XIAP: variants seen among roughly 807,000 people sequenced by gnomAD.
XIAP encodes the protein X-linked inhibitor of apoptosis.
XIAP carries 3 observed loss-of-function variants against 33.1 expected under a neutral mutation model. That is an observed-to-expected ratio of 0.09 (90% CI 0.04 to 0.23). The LOEUF is 0.23. Among genes scored for constraint, XIAP ranks in the 10% least tolerant of loss-of-function variants. The pLI is 1.00. For missense variants in XIAP, 264 were observed against 363.0 expected (o/e 0.73, Z 2.22); for synonymous variants, 98 against 121.3 (o/e 0.81, Z 1.26).
At chrX:123,877,268 T>C (rs2053254661) in intron 1 of XIAP, among the ~76,000 whole-genome samples, 1 of 111,377 alleles carries the variant, frequency 9.0e-6, no homozygotes, top group African/African-American at 3.3e-5. Flanking sequence ...GTTTTCGCCA[T>C]GTTGGCCAGG....
rs2053101631 is a variant in XIAP at position 123,863,627 on chromosome X, G to C, written c.-33+3334G>C. Among the ~76,000 whole-genome samples, 4 of 110,256 alleles carry C rather than the reference G, an allele frequency of 3.6e-5. No homozygotes were observed. In the South Asian group the frequency reaches 1.2e-3, roughly 33 times the overall value. On this transcript the variant is annotated intron_variant, in intron 1 of 6. Coordinates refer to ENST00000371199, the MANE Select transcript of XIAP (RefSeq NM_001167.4). ...CAGGTTCAAGCAGTTTCCTGCCTCA[G>C]CCTCCCGAGTAGCTGGGATTACAGG...
rs779231517 is a variant in XIAP at position 123,910,413 on chromosome X, A to G, written c.*3232A>G. On this transcript the variant is annotated 3_prime_UTR_variant, in exon 7 of 7. Transcript: ENST00000371199. ...GTGGATAAAATTTGTATTTTGAACTATGAATGGAGACTACCGCCCCAGCAT... is the reference window on the plus strand; with the variant it reads ...GTGGATAAAATTTGTATTTTGAACTGTGAATGGAGACTACCGCCCCAGCAT... 1.8e-5 allele frequency: 6 copies of G among 327,901 alleles called. No individual in the cohort carries two copies. The highest frequency in any genetic ancestry group is 1.6e-4 in the African/African-American group (6 of 37,646). The allele number at this position is 327,901 out of a possible 1,213,427, so 27.0% of individuals were successfully genotyped here. A position where few individuals can be genotyped will look rare whatever the true frequency, so the allele number is the denominator to read the frequency against.
intron 3 of XIAP, among the ~76,000 whole-genome samples, chrX:123,890,663 C>T (rs1309346133): frequency 2.0e-5 from 2 of 98,961 alleles, no homozygotes; most frequent in Admixed American, 1.1e-4. Flanking sequence ...AAAAACTAGC[C>T]GGGCATGGTG....
At chrX:123,883,619 C>T (rs1424461645) in intron 1 of XIAP, among the ~76,000 whole-genome samples, 2 of 108,408 alleles carry the variant, frequency 1.8e-5, no homozygotes, top group African/African-American at 3.4e-5. Flanking sequence ...GCCTCAGTCT[C>T]CCAAGTAGCT....
At chrX:123,862,747 T>C (rs35241092) in intron 1 of XIAP, among the ~76,000 whole-genome samples, 40,872 of 106,452 alleles carry the variant, frequency 0.38, 6,137 homozygotes, top group African/African-American at 0.48. Flanking sequence ...ACCAGCTACA[T>C]GGGAGGCTGA....
Position 123,860,110 on chromosome X carries a change from G to A in XIAP, c.-216G>A. 1 of 329,743 alleles carries A rather than the reference G, an allele frequency of 3.0e-6. No individual in the cohort carries two copies. The highest frequency in any genetic ancestry group is 5.9e-6 in the Non-Finnish European group (1 of 170,002). The allele number at this position is 329,743 out of a possible 1,213,427, so 27.2% of individuals were successfully genotyped here. Reference sequence around the variant, plus strand: ...CGACTCCGGGTTTCTCCAGGGGATGGGCCGGCCGGTAGAGGCGCGTGAGGG... The same window carrying A: ...CGACTCCGGGTTTCTCCAGGGGATGAGCCGGCCGGTAGAGGCGCGTGAGGG... On this transcript the variant is annotated 5_prime_UTR_variant, in exon 1 of 7. Transcript: ENST00000371199.
chrX:123,894,123 TCA>T (rs966945287), intron 5 of XIAP, among the ~76,000 whole-genome samples: 2 of 112,517 alleles, frequency 1.8e-5, no homozygotes, highest in Non-Finnish European at 3.7e-5. Flanking sequence ...CCCAGCTTCT[TCA>T]CAGAGGTGTA....
At chrX:123,899,144 A>AAAAATATATAT (rs1186271285) in intron 5 of XIAP, among the ~76,000 whole-genome samples, 2 of 50,165 alleles carry the variant, frequency 4.0e-5, no homozygotes, top group African/African-American at 1.7e-4. Context: ...AAAAAAAAAA[A>AAAAATATATAT]ATATATATAT....
intron 1 of XIAP, among the ~76,000 whole-genome samples, chrX:123,885,053 C>CA (rs3042397): frequency 9.1e-6 from 1 of 110,142 alleles, no homozygotes; most frequent in South Asian, 3.7e-4. Context: ...CCAGTTACAA[C>CA]AAAAAAAGGG....
chrX:123,872,247 A>G (rs1163162678), intron 1 of XIAP, among the ~76,000 whole-genome samples: 3 of 111,398 alleles, frequency 2.7e-5, no homozygotes, highest in Non-Finnish European at 5.6e-5. Flanking sequence ...AAATTTTTAC[A>G]AGGCAGTGGA....
In XIAP at chrX:123,911,584, A is replaced by C; in HGVS notation, c.*4403A>C. On this transcript the variant is annotated 3_prime_UTR_variant, in exon 7 of 7. Transcript: ENST00000371199. ...TCGCAGCTACTCTGGAGGCAGAGGC[A>C]GGAGGATCACTTGAGCCCATGAATT... The C allele has an allele frequency of 3.2e-6, 1 of 316,379 alleles. No homozygotes were observed. The allele number at this position is 316,379 out of a possible 1,213,427, so 26.1% of individuals were successfully genotyped here.
intron 4 of XIAP, among the ~76,000 whole-genome samples, chrX:123,892,016 C>T (rs2053412893): frequency 9.0e-6 from 1 of 110,930 alleles, no homozygotes; most frequent in African/African-American, 3.3e-5. Context: ...GCTTTGTACT[C>T]ATAAGTAGTT....
At chrX:123,872,432 A>G (rs1184116465) in intron 1 of XIAP, among the ~76,000 whole-genome samples, 2 of 109,664 alleles carry the variant, frequency 1.8e-5, no homozygotes, top group East Asian at 5.7e-4. Context: ...TCACGCCTGT[A>G]ATCCCAGCAC....
At chrX:123,873,809 C>T (rs1264797115) in intron 1 of XIAP, 1 of 108,567 alleles carries the variant, frequency 9.2e-6, no homozygotes, top group Non-Finnish European at 1.9e-5. Flanking sequence ...TAGCACACGC[C>T]TGTAATCCCA....
chrX:123,890,360 G>T (rs1169656883), intron 3 of XIAP, among the ~76,000 whole-genome samples: 1 of 106,594 alleles, frequency 9.4e-6, no homozygotes, highest in Non-Finnish European at 1.9e-5. Context: ...GTGGTGGCTC[G>T]TGCCTGTAAT....
At position 123,910,585 on chromosome X, in the gene XIAP, TG is replaced by T. The variant is rs746652301; in HGVS notation, c.*3408del. On this transcript the variant is annotated 3_prime_UTR_variant, in exon 7 of 7. Transcript: ENST00000371199. ...TTGCTGTTAGAGAAATGAAATAAAA[TG>T]GGGCTGGGCTCAGTGGCTCACGCCT... is the stretch of plus-strand genomic sequence containing the variant. 3.0e-4 allele frequency: 99 copies of T among 327,341 alleles called. No homozygotes were observed. Among genetic ancestry groups the T allele is most frequent in the Admixed American group, 1.5e-3 (48 of 31,877 alleles). 27.0% of individuals were successfully genotyped at this position (327,341 alleles called of 1,213,427 possible). A position where few individuals can be genotyped will look rare whatever the true frequency, so the allele number is the denominator to read the frequency against.
chrX:123,877,301 A>T lies in XIAP; in HGVS notation c.-32-8330A>T, dbSNP rs1014810363. The stretch of plus-strand genomic sequence containing the variant: ...AGGCTGGTTTCAAACTCCTGACCTC[A>T]AGTGATCCGCCTGCCTCGGCCTCCC... On this transcript the variant is annotated intron_variant, in intron 1 of 6. Coordinates refer to ENST00000371199, the MANE Select transcript of XIAP (RefSeq NM_001167.4). Among the ~76,000 whole-genome samples the T allele has an allele frequency of 2.7e-5, 3 of 111,771 alleles. No individual in the cohort carries two copies. The East Asian group carries it at 8.4e-4, about 31-fold the overall frequency.
intron 1 of XIAP, among the ~76,000 whole-genome samples, chrX:123,867,063 A>G (rs1361375542): frequency 2.0e-5 from 1 of 49,810 alleles, no homozygotes; most frequent in Non-Finnish European, 3.5e-5. Context: ...AACATTCTAT[A>G]GTTAACATTT....
intron 1 of XIAP, among the ~76,000 whole-genome samples, chrX:123,884,106 G>A (rs1177308397): frequency 1.8e-5 from 2 of 112,312 alleles, no homozygotes; most frequent in African/African-American, 6.5e-5. Context: ...CTTGCTTTGT[G>A]TTGAACATTA....
Sources: allele counts gnomAD v4.1 joint callset (sites outside exome capture counted in the v4.1 genomes callset), GRCh38; gene constraint gnomAD v4.1.1; transcripts MANE v1.5; gene names NCBI Gene and HGNC (gene_info 2026-07-23, HGNC 2026-07-21).